Variants in SPIN1 observed in about 807,000 individuals in gnomAD.
SPIN1 encodes spindlin-1.
Under a neutral mutation model 26.0 loss-of-function variants are expected in SPIN1, and 3 were observed. The ratio of observed to expected loss-of-function variants is 0.12; its 90% CI spans 0.05 to 0.30. The LOEUF is 0.30. Ranked by LOEUF, SPIN1 falls within the 10% of genes least tolerant of loss-of-function variation. The probability of loss-of-function intolerance (pLI) is 1.00; values close to 1 mark genes in which losing one functional copy is unlikely to be tolerated. For missense variants in SPIN1, 126 were observed against 333.4 expected, an observed-to-expected ratio of 0.38 and a Z score of 4.84; for synonymous variants, 101 against 116.5, an observed-to-expected ratio of 0.87 and a Z score of 0.86.
chr9:88,402,510 C>CT (rs201771271), intron 1 of SPIN1, among the ~76,000 whole-genome samples: 17,355 of 139,444 alleles, frequency 0.12, 1,033 homozygotes, highest in South Asian at 0.17. Context: ...ATGAGGTCAA[C>CT]TTTTTTTTTT....
chr9:88,394,560 TTAATA>T (rs1343298482), intron 1 of SPIN1, among the ~76,000 whole-genome samples: 2 of 152,186 alleles, frequency 1.3e-5, no homozygotes, highest in African/African-American at 4.8e-5. Flanking sequence ...CTTAGCAACA[TTAATA>T]TAATTGCATT....
intron 2 of SPIN1, among the ~76,000 whole-genome samples, chr9:88,429,450 C>T (rs558424494): frequency 1.3e-5 from 2 of 152,202 alleles, no homozygotes; most frequent in East Asian, 1.9e-4. Context: ...TTTCCACAGC[C>T]CTGTCCCTGG....
chr9:88,400,571 C>T (rs762907690), intron 1 of SPIN1, among the ~76,000 whole-genome samples: 2 of 152,082 alleles, frequency 1.3e-5, no homozygotes, highest in African/African-American at 2.4e-5. Context: ...TTTGGCCTGG[C>T]GTGATGGCTA....
chr9:88,472,617 C>T (rs1360030991), intron 5 of SPIN1, among the ~76,000 whole-genome samples: 5 of 152,110 alleles, frequency 3.3e-5, no homozygotes, highest in Non-Finnish European at 5.9e-5. Context: ...CTCAGCCTCC[C>T]GAGTAGCTGG....
At chr9:88,457,669 A>G (rs1225660384) in intron 3 of SPIN1, 1 of 213,104 alleles carries the variant, frequency 4.7e-6, no homozygotes, top group Non-Finnish European at 8.1e-6. Context: ...CTGAGGGGAA[A>G]AAGACTTTGA....
rs1827442831 is a variant in SPIN1, at chr9:88,411,530, T to G, written c.-158-14852T>G. Reference sequence around the variant, plus strand: ...ATCCATGGGCAGAAAGCTTTTTTTTTGGAGACAGAATCTCACTTTGTCACC... The same window carrying G: ...ATCCATGGGCAGAAAGCTTTTTTTTGGGAGACAGAATCTCACTTTGTCACC... On this transcript the variant is annotated intron_variant, in intron 1 of 5. Transcript: ENST00000375859. The G allele has an allele frequency of 6.0e-6, 4 of 661,176 alleles. No individual in the cohort carries two copies. In the South Asian group the frequency reaches 8.0e-5, roughly 13 times the overall value. 41.0% of individuals were successfully genotyped at this position (661,176 alleles called of 1,614,324 possible). A position where few individuals can be genotyped will look rare whatever the true frequency, so the allele number is the denominator to read the frequency against.
intron 1 of SPIN1, among the ~76,000 whole-genome samples, chr9:88,395,907 C>T (rs1339597669): frequency 3.3e-5 from 5 of 151,904 alleles, no homozygotes; most frequent in South Asian, 2.1e-4. Flanking sequence ...ATTAGCCTGG[C>T]GTGGTGGCGC....
At chr9:88,435,978 A>G (rs573278970) in intron 2 of SPIN1, among the ~76,000 whole-genome samples, 9 of 152,336 alleles carry the variant, frequency 5.9e-5, no homozygotes, top group African/African-American at 1.7e-4. Context: ...ATTTTAGCCC[A>G]TATATGTGTG....
At chr9:88,438,919 T>C (rs11142300) in intron 2 of SPIN1, among the ~76,000 whole-genome samples, 29,244 of 152,142 alleles carry the variant, frequency 0.19, 3,716 homozygotes, top group African/African-American at 0.37. Context: ...TCAATTTATA[T>C]GATCGAAGAG....
intron 2 of SPIN1, among the ~76,000 whole-genome samples, chr9:88,437,119 C>T (rs1176850157): frequency 6.6e-6 from 1 of 151,764 alleles, no homozygotes; most frequent in Non-Finnish European, 1.5e-5. Flanking sequence ...ACCAAATAAT[C>T]TACTGTTTGG....
At chr9:88,459,813 G>A (rs1192336479) in intron 3 of SPIN1, among the ~76,000 whole-genome samples, 2 of 152,108 alleles carry the variant, frequency 1.3e-5, no homozygotes, top group African/African-American at 2.4e-5. Context: ...TGACATGTTC[G>A]TTACAGTTTT....
At chr9:88,470,006 A>T (rs989725299) in intron 5 of SPIN1, among the ~76,000 whole-genome samples, 7 of 152,210 alleles carry the variant, frequency 4.6e-5, no homozygotes, top group African/African-American at 1.7e-4. Flanking sequence ...GGCCTTAAGC[A>T]ACCAGTAATA....
At chr9:88,394,550 C>T (rs763696044) in intron 1 of SPIN1, among the ~76,000 whole-genome samples, 19 of 152,080 alleles carry the variant, frequency 1.2e-4, no homozygotes, top group Admixed American at 7.2e-4. Context: ...AATTTACATT[C>T]TTAGCAACAT....
intron 1 of SPIN1, among the ~76,000 whole-genome samples, chr9:88,395,222 C>T (rs1348093844): frequency 6.6e-6 from 1 of 152,052 alleles, no homozygotes; most frequent in Non-Finnish European, 1.5e-5. Flanking sequence ...TGTTCCTCCA[C>T]GAATTTCTCT....
At chr9:88,469,292 C>T (rs946921698) in intron 5 of SPIN1, among the ~76,000 whole-genome samples, 5 of 152,222 alleles carry the variant, frequency 3.3e-5, no homozygotes, top group Non-Finnish European at 7.3e-5. Flanking sequence ...TGCCGCTGCT[C>T]ACCTCCTGCT....
At chr9:88,423,687 A>T (rs951542639) in intron 1 of SPIN1, among the ~76,000 whole-genome samples, 2 of 150,224 alleles carry the variant, frequency 1.3e-5, no homozygotes, top group African/African-American at 4.9e-5. Flanking sequence ...AAGTGCTGGG[A>T]TTACAGGTGT....
intron 1 of SPIN1, among the ~76,000 whole-genome samples, chr9:88,423,792 G>T (rs571778114): frequency 6.7e-6 from 1 of 149,242 alleles, no homozygotes; most frequent in African/African-American, 2.5e-5. Context: ...TTGAGATGGG[G>T]TCTCACTCTG....
At chr9:88,410,901 T>C (rs145795712) in intron 1 of SPIN1, 64 of 984,252 alleles carry the variant, frequency 6.5e-5, no homozygotes, top group Admixed American at 1.3e-4. Context: ...GATGAAGCAC[T>C]AGCCATCTCT....
intron 1 of SPIN1, among the ~76,000 whole-genome samples, chr9:88,408,382 T>C (rs566887144): frequency 2.1e-5 from 3 of 145,136 alleles, no homozygotes; most frequent in South Asian, 2.2e-4. Context: ...TTTTCTTTTT[T>C]TTTTTTTTTT....
Sources: gnomAD v4.1 joint callset for allele counts (sites outside exome capture counted in the v4.1 genomes callset) on GRCh38, gnomAD v4.1.1 for gene constraint, MANE v1.5 for transcripts, NCBI Gene and HGNC (gene_info 2026-07-23, HGNC 2026-07-21) for gene names.